Variants in CDKN2B-AS1 observed in about 807,000 individuals in gnomAD.
The protein encoded by CDKN2B-AS1 is CDKN2B and CDKN2A antisense cis and trans regulatory RNA 1, also known as CDKN2B antisense RNA 1 (non-protein coding).
At chr9:22,125,758 G>A (rs570176147) in intron 4 of CDKN2B-AS1, among the ~76,000 whole-genome samples, 14 of 152,146 alleles carry the variant, frequency 9.2e-5, no homozygotes, top group Non-Finnish European at 1.5e-4. Context: ...GTGGTATTGC[G>A]CTAGAAAAAT....
At chr9:22,038,886 G>C (rs979506997) in intron 1 of CDKN2B-AS1, among the ~76,000 whole-genome samples, 8 of 152,026 alleles carry the variant, frequency 5.3e-5, no homozygotes, top group African/African-American at 1.9e-4. Context: ...CTGGTATAGT[G>C]TATGCATAGT....
chr9:22,034,674 A>T (rs1822611880), intron 1 of CDKN2B-AS1, among the ~76,000 whole-genome samples: 1 of 152,114 alleles, frequency 6.6e-6, no homozygotes, highest in Admixed American at 6.6e-5. Context: ...TACAGTGTAG[A>T]GGTTGGCAAA....
chr9:22,050,189 A>G (rs926529456), intron 3 of CDKN2B-AS1, among the ~76,000 whole-genome samples: 1 of 152,210 alleles, frequency 6.6e-6, no homozygotes, highest in Non-Finnish European at 1.5e-5. Context: ...TACCTTCCAT[A>G]GCACTTAGCT....
At chr9:22,126,844 T>A (rs562495597) in intron 4 of CDKN2B-AS1, among the ~76,000 whole-genome samples, 4 of 152,254 alleles carry the variant, frequency 2.6e-5, no homozygotes, top group African/African-American at 9.6e-5. Context: ...AGTGCTGGGA[T>A]TACAGGCGTG....
intron 4 of CDKN2B-AS1, chr9:22,061,912 C>T (rs1823838577): frequency 1.3e-5 from 2 of 152,036 alleles, no homozygotes; most frequent in Non-Finnish European, 2.9e-5. Context: ...ACATTAAATA[C>T]TAAAAAATAC....
intron 4 of CDKN2B-AS1, among the ~76,000 whole-genome samples, chr9:22,103,621 G>A (rs1164842318): frequency 6.6e-6 from 1 of 152,072 alleles, no homozygotes; most frequent in Non-Finnish European, 1.5e-5. Context: ...AAAGAATGTA[G>A]AAATAATTAA....
chr9:22,060,793 A>T (rs1334552568), intron 4 of CDKN2B-AS1, among the ~76,000 whole-genome samples: 1 of 152,172 alleles, frequency 6.6e-6, no homozygotes, highest in African/African-American at 2.4e-5. Flanking sequence ...GGCACTTCTC[A>T]TGTGGCAGTG....
At chr9:22,016,108 C>T (rs1472763606) in intron 1 of CDKN2B-AS1, among the ~76,000 whole-genome samples, 1 of 152,078 alleles carries the variant, frequency 6.6e-6, no homozygotes, top group Non-Finnish European at 1.5e-5. Flanking sequence ...AATTAGATCC[C>T]ATTTGTCAAT....
chr9:22,032,073 C>T (rs1009638686), intron 1 of CDKN2B-AS1, among the ~76,000 whole-genome samples: 1 of 152,210 alleles, frequency 6.6e-6, no homozygotes, highest in South Asian at 2.1e-4. Context: ...TGGTAGACAC[C>T]TTGATTGCAG....
In CDKN2B-AS1 at chr9:21,995,402, C is replaced by G. The variant is rs774601528; in HGVS notation, n.29+241C>G. On this transcript the variant is annotated intron_variant and non_coding_transcript_variant, in intron 1 of 4. Coordinates refer to ENST00000650946, the Ensembl canonical transcript of CDKN2B-AS1. The surrounding 1 kb of genome is among the most constrained non-coding windows in gnomAD (Gnocchi z 5.7). The stretch of plus-strand genomic sequence containing the variant: ...CTCCCCTCCTGTCGCCGCGTCCTCG[C>G]GTAGAATGGTTGTCTTGGCGACCGT... 6.6e-6 allele frequency: 1 copy of G among 152,668 alleles called. No homozygotes were observed. The highest frequency in any genetic ancestry group is 1.5e-5 in the Non-Finnish European group (1 of 68,332). The allele number at this position is 152,668 out of a possible 1,614,324, so 9.5% of individuals were successfully genotyped here.
intron 4 of CDKN2B-AS1, among the ~76,000 whole-genome samples, chr9:22,089,774 A>G (rs1825003904): frequency 6.6e-6 from 1 of 151,668 alleles, no homozygotes; most frequent in African/African-American, 2.4e-5. Context: ...TTTTTTTTTA[A>G]TTTGGTATTA....
intron 4 of CDKN2B-AS1, among the ~76,000 whole-genome samples, chr9:22,074,865 G>A (rs1007192279): frequency 6.6e-6 from 1 of 152,138 alleles, no homozygotes; most frequent in Non-Finnish European, 1.5e-5. Context: ...ATAGGCTCTG[G>A]TCCACACTTT....
chr9:22,035,309 T>C (rs1298361135), intron 1 of CDKN2B-AS1, among the ~76,000 whole-genome samples: 1 of 151,444 alleles, frequency 6.6e-6, no homozygotes, highest in African/African-American at 2.4e-5. Context: ...GAACTTGAAG[T>C]AGAGCAACAA....
In CDKN2B-AS1 at chr9:22,006,955, A is replaced by C. The variant is rs1005926371; in HGVS notation, n.29+11794A>C. 6.6e-6 allele frequency among the ~76,000 whole-genome samples: 1 copy of C among 152,162 alleles called. No homozygotes were observed. The highest frequency in any genetic ancestry group is 2.4e-5 in the African/African-American group (1 of 41,442). ...TTTCCTTAACAGTTCATCATTTTAAATTTAGACTATAATATTTTTAATGTA... is the reference window on the plus strand; with the variant it reads ...TTTCCTTAACAGTTCATCATTTTAACTTTAGACTATAATATTTTTAATGTA... On this transcript the variant is annotated intron_variant and non_coding_transcript_variant, in intron 1 of 4. Coordinates refer to ENST00000650946, the Ensembl canonical transcript of CDKN2B-AS1. This position sits in a 1 kb window ranked among gnomAD's most constrained non-coding sequence, Gnocchi z 6.4.
chr9:22,029,836 G>T (rs1341888445), intron 1 of CDKN2B-AS1: 3 of 212,330 alleles, frequency 1.4e-5, no homozygotes, highest in Non-Finnish European at 2.8e-5. Context: ...TTTAAATTAG[G>T]AAAAATGTGT....
At chr9:22,096,684 C>A (rs1587527140) in intron 4 of CDKN2B-AS1, among the ~76,000 whole-genome samples, 1 of 152,120 alleles carries the variant, frequency 6.6e-6, no homozygotes, top group African/African-American at 2.4e-5. Context: ...TCACCATGAC[C>A]CTGGCCCTGT....
At chr9:22,118,235 T>A (rs1026648887) in intron 4 of CDKN2B-AS1, 3 of 151,806 alleles carry the variant, frequency 2.0e-5, no homozygotes, top group Admixed American at 6.6e-5. Context: ...ACTCTTATGC[T>A]AACATGTACT....
At chr9:21,998,586 T>G (rs1374344793) in intron 1 of CDKN2B-AS1, among the ~76,000 whole-genome samples, 1 of 152,210 alleles carries the variant, frequency 6.6e-6, no homozygotes, top group Non-Finnish European at 1.5e-5. Context: ...ATATTGGAAG[T>G]TTTTGGGGTT....
exon 5 of CDKN2B-AS1, among the ~76,000 whole-genome samples, chr9:22,127,876 A>G (rs532621784): frequency 4.1e-4 from 62 of 152,306 alleles, no homozygotes; most frequent in African/African-American, 1.5e-3. Flanking sequence ...AAATTTCTCA[A>G]TGTAAGAAAA....
Sources: allele counts gnomAD v4.1 joint callset (sites outside exome capture counted in the v4.1 genomes callset), GRCh38; gene constraint gnomAD v4.1.1; non-coding constraint Gnocchi (gnomAD v3.1); transcripts MANE v1.5; gene names NCBI Gene and HGNC (gene_info 2026-07-23, HGNC 2026-07-21).